The following THTPA variants were observed in gnomAD, a reference collection of about 807,000 sequenced individuals.
The protein encoded by THTPA is thiamine-triphosphatase.
A neutral mutation model predicts 16.5 loss-of-function variants in THTPA; 16 were observed. The ratio of observed to expected loss-of-function variants is 0.97; its 90% CI spans 0.66 to 1.47. The LOEUF is 1.47. Among genes scored for constraint, THTPA ranks in the 40% most tolerant of loss-of-function variants. The pLI is 0.00. For missense variants in THTPA, 281 were observed against 280.9 expected (o/e 1.00, Z 0.00); for synonymous variants, 110 against 115.5 (o/e 0.95, Z 0.30).
chr14:23,547,029 G>A, the THTPA span, among the ~76,000 whole-genome samples: 1 of 152,216 alleles, frequency 6.6e-6, no homozygotes. Flanking sequence ...CTGATTGGGT[G>A]CATGTTTGTT....
At chr14:23,553,443 T>C (rs180778223), upstream of THTPA, among the ~76,000 whole-genome samples, 8 of 151,182 alleles carry the variant, frequency 5.3e-5, no homozygotes, top group East Asian at 5.9e-4. Context: ...CTACTAAAAA[T>C]ACAAAATTAG....
the THTPA span, chr14:23,533,303 G>C: frequency 7.0e-7 from 1 of 1,436,882 alleles, no homozygotes; most frequent in Non-Finnish European, 9.1e-7. This position sits in a 1 kb window ranked among gnomAD's most constrained non-coding sequence, Gnocchi z 4.8. Context: ...GGGAACTTGC[G>C]GGCAGGTGCT....
At chr14:23,516,349 A>G in the THTPA span, among the ~76,000 whole-genome samples, 2 of 152,160 alleles carry the variant, frequency 1.3e-5, no homozygotes, top group African/African-American at 4.8e-5. Flanking sequence ...CTTTATGCTG[A>G]CATGTTTGGG....
At chr14:23,523,393 C>G in the THTPA span, 1 of 1,511,948 alleles carries the variant, frequency 6.6e-7, no homozygotes, top group South Asian at 1.3e-5. The surrounding 1 kb of genome is among the most constrained non-coding windows in gnomAD (Gnocchi z 4.1). Flanking sequence ...TGCTTTCACT[C>G]TTCAGCTGGG....
rs141424959 is a variant in THTPA, at chr14:23,560,191, C to T, written c.*1351C>T. On this transcript the variant is annotated 3_prime_UTR_variant, in exon 2 of 2. Coordinates refer to ENST00000288014, the MANE Select transcript of THTPA (RefSeq NM_024328.6). ...TCTCACACTGTCTCCCACCCACCTC[C>T]TCCACTTAGTGGCCTTTTCTCCTGG... The T allele has an allele frequency of 6.3e-7, 1 of 1,581,778 alleles. No homozygotes were observed. The highest frequency in any genetic ancestry group is 8.6e-7 in the Non-Finnish European group (1 of 1,157,230).
the THTPA span, among the ~76,000 whole-genome samples, chr14:23,515,612 C>T: frequency 6.6e-6 from 1 of 152,158 alleles, no homozygotes; most frequent in Non-Finnish European, 1.5e-5. Context: ...GAAAGAATTT[C>T]TAGTAGGTTT....
chr14:23,525,535 G>T, the THTPA span: 1 of 1,535,578 alleles, frequency 6.5e-7, no homozygotes, highest in Non-Finnish European at 8.7e-7. The surrounding 1 kb of genome is among the most constrained non-coding windows in gnomAD (Gnocchi z 5.9). Context: ...CCTCAGGTGG[G>T]GGTGGGGTAG....
At chr14:23,547,271 T>C in the THTPA span, among the ~76,000 whole-genome samples, 1 of 152,268 alleles carries the variant, frequency 6.6e-6, no homozygotes, top group Non-Finnish European at 1.5e-5. Context: ...GCTGCCTTCG[T>C]TGTATTAATA....
chr14:23,513,550 G>C, the THTPA span: 1 of 152,702 alleles, frequency 6.5e-6, no homozygotes, highest in Admixed American at 6.5e-5. Flanking sequence ...GAGGGGAGAG[G>C]CTTGGGGTCT....
At chr14:23,525,076 G>A in the THTPA span, 5,207 of 1,536,104 alleles carry the variant, frequency 3.4e-3, 149 homozygotes, top group African/African-American at 0.062. This position sits in a 1 kb window ranked among gnomAD's most constrained non-coding sequence, Gnocchi z 5.9. Flanking sequence ...CCACCTCTCC[G>A]TCTTTGGGGT....
the THTPA span, among the ~76,000 whole-genome samples, chr14:23,538,649 C>T: frequency 1.7e-4 from 26 of 152,202 alleles, no homozygotes; most frequent in Admixed American, 1.0e-3. Flanking sequence ...TCCCTGCGGA[C>T]ACATCTCAGA....
At chr14:23,555,045 T>C (rs2138971179), upstream of THTPA, among the ~76,000 whole-genome samples, 1 of 152,334 alleles carries the variant, frequency 6.6e-6, no homozygotes, top group East Asian at 1.9e-4. Flanking sequence ...TGGAGTGCAG[T>C]GGCGCCATCT....
At chr14:23,556,084 A>G (rs375771894), upstream of THTPA, 48 of 152,704 alleles carry the variant, frequency 3.1e-4, no homozygotes, top group African/African-American at 1.1e-3. Context: ...TGAGGAGCAG[A>G]ATGCAAGGGG....
chr14:23,525,448 G>A, the THTPA span: 6 of 1,536,102 alleles, frequency 3.9e-6, no homozygotes, highest in East Asian at 4.9e-5. The surrounding 1 kb of genome is among the most constrained non-coding windows in gnomAD (Gnocchi z 5.9). Context: ...CATGTTCCTC[G>A]TGTGTCTTGA....
upstream of THTPA, among the ~76,000 whole-genome samples, chr14:23,553,473 C>T (rs1882121865): frequency 6.6e-6 from 1 of 152,108 alleles, no homozygotes; most frequent in African/African-American, 2.4e-5. Flanking sequence ...GTGGTGGGCA[C>T]CTGTAATCCC....
chr14:23,515,359 G>A, the THTPA span, among the ~76,000 whole-genome samples: 1 of 152,200 alleles, frequency 6.6e-6, no homozygotes, highest in South Asian at 2.1e-4. Flanking sequence ...ATGGAAAGGT[G>A]CTCTAGGCCT....
rs1209926780 is a variant in THTPA, at chr14:23,560,085, A to G, written c.*1245A>G. On this transcript the variant is annotated 3_prime_UTR_variant, in exon 2 of 2. Transcript: ENST00000288014. ...CACAGTATGGCAGTAGGTAGGGCTC[A>G]GGCAGCCCCTCTATACTCAGTGGCT... is the stretch of plus-strand genomic sequence containing the variant. The G allele has an allele frequency of 5.6e-6, 8 of 1,440,568 alleles. No individual in the cohort carries two copies. The East Asian group carries it at 1.2e-4, about 21-fold the overall frequency. The allele number at this position is 1,440,568 out of a possible 1,614,324, so 89.2% of individuals were successfully genotyped here.
At chr14:23,554,199 T>C (rs1882177261), upstream of THTPA, among the ~76,000 whole-genome samples, 1 of 152,108 alleles carries the variant, frequency 6.6e-6, no homozygotes, top group Non-Finnish European at 1.5e-5. Flanking sequence ...CCCCACTGGA[T>C]TGGATCTTAT....
the THTPA span, chr14:23,530,226 G>C: frequency 6.8e-7 from 1 of 1,474,266 alleles, no homozygotes; most frequent in East Asian, 2.5e-5. Flanking sequence ...TCAGCTTAAA[G>C]AGGTGTGGCA....
Sources: allele counts gnomAD v4.1 joint callset (sites outside exome capture counted in the v4.1 genomes callset), GRCh38; gene constraint gnomAD v4.1.1; non-coding constraint Gnocchi (gnomAD v3.1); transcripts MANE v1.5; gene names NCBI Gene and HGNC (gene_info 2026-07-23, HGNC 2026-07-21).